Variants in UNC5C observed in about 807,000 individuals in gnomAD.
The protein encoded by UNC5C is unc-5 netrin receptor C.
Under a neutral mutation model 99.8 loss-of-function variants are expected in UNC5C, and 47 were observed. The ratio of observed to expected loss-of-function variants is 0.47; its 90% CI spans 0.37 to 0.60. UNC5C has a LOEUF of 0.60. UNC5C is among the 20% of genes least tolerant of loss of function. The probability of loss-of-function intolerance (pLI) is 0.00; values close to 1 mark genes in which losing one functional copy is unlikely to be tolerated. For missense variants in UNC5C, 1,062 were observed against 1,165.9 expected, an observed-to-expected ratio of 0.91 and a Z score of 1.30; for synonymous variants, 487 against 452.2, an observed-to-expected ratio of 1.08 and a Z score of -0.98.
intron 1 of UNC5C, among the ~76,000 whole-genome samples, chr4:95,524,643 C>A (rs1289866029): frequency 6.6e-6 from 1 of 152,198 alleles, no homozygotes; most frequent in Non-Finnish European, 1.5e-5. Context: ...CACTTTCCAG[C>A]AGAATCTGTT....
intron 1 of UNC5C, among the ~76,000 whole-genome samples, chr4:95,356,688 T>G (rs1209283061): frequency 6.6e-6 from 1 of 152,186 alleles, no homozygotes; most frequent in African/African-American, 2.4e-5. Flanking sequence ...ATCAGGACTG[T>G]GTGAGAGAGA....
chr4:95,473,212 G>A (rs1748028806), intron 1 of UNC5C, among the ~76,000 whole-genome samples: 1 of 151,956 alleles, frequency 6.6e-6, no homozygotes, highest in South Asian at 2.1e-4. Flanking sequence ...GTGTGATTAG[G>A]GACAATTATA....
At chr4:95,476,712 T>C (rs1468819332) in intron 1 of UNC5C, among the ~76,000 whole-genome samples, 3 of 152,080 alleles carry the variant, frequency 2.0e-5, no homozygotes, top group Non-Finnish European at 4.4e-5. Context: ...TTTATAGTTG[T>C]TTAGTATTAA....
chr4:95,329,390 T>A (rs13133222), intron 2 of UNC5C, among the ~76,000 whole-genome samples: 18,268 of 152,256 alleles, frequency 0.12, 1,401 homozygotes, highest in Admixed American at 0.22. Context: ...TGTGCACATT[T>A]GGAATTATAT....
intron 2 of UNC5C, among the ~76,000 whole-genome samples, chr4:95,321,760 A>G (rs879641379): frequency 2.0e-5 from 3 of 152,236 alleles, no homozygotes; most frequent in Admixed American, 2.0e-4. Context: ...GTGAGAAAAC[A>G]TTACACCTTT....
In UNC5C at chr4:95,335,327, A is replaced by G. The variant is rs144790150; in HGVS notation, c.346+83T>C. ...GAATAACTCCATTTTCCATTCCACT[A>G]ATTGAAATAACAGTATGTCCACATG... On this transcript the variant is annotated intron_variant, in intron 2 of 15. Transcript: ENST00000453304. The G allele has an allele frequency of 4.4e-4, 551 of 1,249,800 alleles. 2 individuals are homozygous for G. The Middle Eastern group carries it at 4.9e-3, about 11-fold the overall frequency. 77.4% of individuals were successfully genotyped at this position (1,249,800 alleles called of 1,614,324 possible). A position where few individuals can be genotyped will look rare whatever the true frequency, so the allele number is the denominator to read the frequency against.
At chr4:95,209,132 G>T (rs545391293) in intron 10 of UNC5C, among the ~76,000 whole-genome samples, 1 of 152,310 alleles carries the variant, frequency 6.6e-6, no homozygotes, top group Admixed American at 6.5e-5. Flanking sequence ...TGCAACCATT[G>T]AGTGTGTAGA....
At chr4:95,177,373 G>T (rs1263257673) in intron 14 of UNC5C, among the ~76,000 whole-genome samples, 1 of 150,920 alleles carries the variant, frequency 6.6e-6, no homozygotes, top group African/African-American at 2.4e-5. Flanking sequence ...TGAGTGCTCA[G>T]CTCAGGGGCT....
intron 3 of UNC5C, among the ~76,000 whole-genome samples, 181 bp downstream of exon 3, chr4:95,301,425 G>A (rs1239814742): frequency 6.6e-6 from 1 of 152,062 alleles, no homozygotes; most frequent in African/African-American, 2.4e-5. Flanking sequence ...TCGATCTCCT[G>A]ACCTTGTGAT....
chr4:95,191,391 TG>T (rs1202134648), intron 12 of UNC5C, among the ~76,000 whole-genome samples: 2 of 152,148 alleles, frequency 1.3e-5, no homozygotes, highest in Non-Finnish European at 1.5e-5. Flanking sequence ...ATGACAAGTC[TG>T]CCCCCAGGGT....
At chr4:95,452,046 T>C (rs1327699771) in intron 1 of UNC5C, among the ~76,000 whole-genome samples, 2 of 152,154 alleles carry the variant, frequency 1.3e-5, no homozygotes, top group African/African-American at 4.8e-5. Context: ...TATGACTCTA[T>C]AGACATAGCA....
intron 1 of UNC5C, among the ~76,000 whole-genome samples, chr4:95,498,042 T>C (rs1369512179): frequency 6.6e-6 from 1 of 151,984 alleles, no homozygotes; most frequent in Non-Finnish European, 1.5e-5. Context: ...CTCTACCACT[T>C]CACATTCTGT....
chr4:95,410,585 G>A (rs17023776), intron 1 of UNC5C, among the ~76,000 whole-genome samples: 2,041 of 152,222 alleles, frequency 0.013, 47 homozygotes, highest in African/African-American at 0.046. Flanking sequence ...TGCTGCTACC[G>A]CCCAGAGCAG....
intron 1 of UNC5C, among the ~76,000 whole-genome samples, chr4:95,422,780 A>G (rs541487913): frequency 4.6e-5 from 7 of 152,270 alleles, no homozygotes; most frequent in Admixed American, 4.6e-4. Flanking sequence ...TTTGGCAAAT[A>G]TGGCTGCCAG....
chr4:95,163,402 A>G lies in UNC5C; in HGVS notation c.*5832T>C, dbSNP rs987415717. 16 of 152,186 alleles carry G rather than the reference A, an allele frequency of 1.1e-4. No homozygotes were observed. Among genetic ancestry groups the G allele is most frequent in the African/African-American group, 3.9e-4 (16 of 41,444 alleles). 9.4% of individuals were successfully genotyped at this position (152,186 alleles called of 1,614,324 possible). A position where few individuals can be genotyped will look rare whatever the true frequency, so the allele number is the denominator to read the frequency against. On this transcript the variant is annotated 3_prime_UTR_variant, in exon 16 of 16. Coordinates refer to ENST00000453304, the MANE Select transcript of UNC5C (RefSeq NM_003728.4). Reference sequence around the variant, plus strand: ...GTCCCCATTCTCTGATGCTGCCTCCATAGTGCTCAGGATCAGAGGCCAAAA... The same window carrying G: ...GTCCCCATTCTCTGATGCTGCCTCCGTAGTGCTCAGGATCAGAGGCCAAAA...
At chr4:95,497,345 A>C (rs2149483273) in intron 1 of UNC5C, among the ~76,000 whole-genome samples, 1 of 152,038 alleles carries the variant, frequency 6.6e-6, no homozygotes, top group East Asian at 1.9e-4. Context: ...TAAAATATAA[A>C]TCCATATTGA....
chr4:95,248,649 G>A lies in UNC5C; in HGVS notation c.775+1838C>T, dbSNP rs1244793056. The A allele has an allele frequency of 1.6e-5, 7 of 443,094 alleles. 1 individual carries two copies. Among genetic ancestry groups the A allele is most frequent in the South Asian group, 6.5e-5 (4 of 61,762 alleles). 27.4% of individuals were successfully genotyped at this position (443,094 alleles called of 1,614,324 possible). Reference sequence around the variant, plus strand: ...GCAGAAAATAGTCAATATGCCAAGTGGCATATTTTGGGGTGACAAATTCTT... The same window carrying A: ...GCAGAAAATAGTCAATATGCCAAGTAGCATATTTTGGGGTGACAAATTCTT... On this transcript the variant is annotated intron_variant, in intron 5 of 15. Transcript: ENST00000453304.
At chr4:95,340,029 T>C (rs1360772269) in intron 1 of UNC5C, among the ~76,000 whole-genome samples, 2 of 152,092 alleles carry the variant, frequency 1.3e-5, no homozygotes, top group Non-Finnish European at 2.9e-5. Context: ...AGTATTTCCT[T>C]TTTTCTGTTA....
chr4:95,168,605 T>C lies in UNC5C; in HGVS notation c.*629A>G, dbSNP rs1343992431. The C allele has an allele frequency of 1.3e-5, 2 of 152,646 alleles. No homozygotes were observed. The highest frequency in any genetic ancestry group is 2.1e-4 in the South Asian group (1 of 4,822). 9.5% of individuals were successfully genotyped at this position (152,646 alleles called of 1,614,324 possible). A position where few individuals can be genotyped will look rare whatever the true frequency, so the allele number is the denominator to read the frequency against. ...CTCCAAGGAATAGGAGTCTTAGTTA[T>C]TTCTTTTTTACACTTAGATTCTCCA... On this transcript the variant is annotated 3_prime_UTR_variant, in exon 16 of 16. Transcript: ENST00000453304.
Sources: gnomAD v4.1 joint callset for allele counts (sites outside exome capture counted in the v4.1 genomes callset) on GRCh38, gnomAD v4.1.1 for gene constraint, MANE v1.5 for transcripts, NCBI Gene and HGNC (gene_info 2026-07-23, HGNC 2026-07-21) for gene names.